NACA: variants seen among roughly 807,000 people sequenced by gnomAD.
The protein encoded by NACA is nascent polypeptide-associated complex subunit alpha.
In NACA, 42 loss-of-function variants were observed where a neutral mutation model predicts 86.4. The observed-to-expected ratio is 0.49, with a 90% CI of 0.38 to 0.63. The LOEUF is 0.63. Ranked by LOEUF, NACA falls within the 20% of genes least tolerant of loss-of-function variation. NACA has a pLI of 0.00. For missense variants in NACA, 2,157 were observed against 2,483.6 expected (o/e 0.87, Z 2.80); for synonymous variants, 898 against 973.7 (o/e 0.92, Z 1.45).
chr12:56,719,114 T>C lies in NACA; in HGVS notation c.2416A>G (p.Lys806Glu), dbSNP rs774210174. 2 of 1,454,470 alleles carry C rather than the reference T, an allele frequency of 1.4e-6. No homozygotes were observed. The highest frequency in any genetic ancestry group is 3.0e-5 in the East Asian group (1 of 33,550). The allele number at this position is 1,454,470 out of a possible 1,614,324, so 90.1% of individuals were successfully genotyped here. Residue 806 changes from lysine to glutamate, a missense_variant, in exon 3 of 9, where the codon AAA becomes GAA. By Grantham distance (56) the Lys-to-Glu change is moderately conservative. This residue lies in a region of NACA where 174 missense variants were observed against 217.0 expected (regional missense o/e 0.80). Transcript: ENST00000454682. The part of the protein sequence containing the change: ...PLGVSVSPQT[K>E]RPPTKKGSAG... Reference sequence around the variant, plus strand: ...GAACCCTTCTTGGTTGGAGGTCTTTTAGTCTGAGGAGACACACTAACCCCT... The same window carrying C: ...GAACCCTTCTTGGTTGGAGGTCTTTCAGTCTGAGGAGACACACTAACCCCT...
At chr12:56,724,676 T>A (rs1334274954) in intron 1 of NACA, 153 bp from the exon 2 acceptor site, 6 of 721,410 alleles carry the variant, frequency 8.3e-6, no homozygotes, top group Non-Finnish European at 1.4e-5. Flanking sequence ...CACCTGGGAA[T>A]AAGAGGTAAA....
rs751504854 is a variant in NACA at position 56,718,236 on chromosome 12, G to A, written c.3294C>T (p.Ser1098=). The change falls in exon 3 of 9, where the codon TCC becomes TCT. Residue 1098 remains serine (S), a synonymous_variant. Transcript: ENST00000454682. ...CTGGGGGCATGGGGGCCCCTTTGGG[G>A]GATGGGGTAGCTGGGCCTCCTTTTG... The part of the protein sequence containing the change: ...PSPKGGPATP[S]PKGAPMPPAA... 1 of 1,143,222 alleles carries A rather than the reference G, an allele frequency of 8.7e-7. No homozygotes were observed. Among genetic ancestry groups the A allele is most frequent in the South Asian group, 3.3e-5 (1 of 30,236 alleles). The allele number at this position is 1,143,222 out of a possible 1,614,324, so 70.8% of individuals were successfully genotyped here. A position where few individuals can be genotyped will look rare whatever the true frequency, so the allele number is the denominator to read the frequency against.
chr12:56,718,349 C>A lies in NACA; in HGVS notation c.3181G>T (p.Ala1061Ser). Residue 1061 changes from alanine to serine, a missense_variant, in exon 3 of 9, where the codon GCT becomes TCT. By Grantham distance (99) the Ala-to-Ser change is moderately conservative (BLOSUM62 1). This residue lies in a region of NACA where 124 missense variants were observed against 186.5 expected (regional missense o/e 0.66). Transcript: ENST00000454682. ...PLPKGAPTTP[A>S]ATLPSPKGGP... ...CCTTTTGGGGAGGGAAGAGTTGCAG[C>A]TGGGGTTGTGGGGGCCCCTTTGGGG... The A allele has an allele frequency of 8.7e-7, 1 of 1,150,116 alleles. No individual in the cohort carries two copies. The highest frequency in any genetic ancestry group is 1.1e-6 in the Non-Finnish European group (1 of 923,476). The allele number at this position is 1,150,116 out of a possible 1,614,324, so 71.2% of individuals were successfully genotyped here.
At position 56,720,033 on chromosome 12, in the gene NACA, G is replaced by T; in HGVS notation, c.1497C>A (p.Thr499=). The stretch of plus-strand genomic sequence containing the variant: ...GAGGAGAGACTGGTATCCTCAGAGT[G>T]GTTGCTACTTGAGTAGAAGGCTCTT... ...APKEPSTQVA[T]TLRIPVSPPL... Residue 499 remains threonine, a synonymous_variant, in exon 3 of 9, where the codon ACC becomes ACA. Coordinates refer to ENST00000454682, the MANE Select transcript of NACA (RefSeq NM_001365896.1). 1 of 1,613,870 alleles carries T rather than the reference G, an allele frequency of 6.2e-7. No individual in the cohort carries two copies.
chr12:56,718,573 G>T lies in NACA; in HGVS notation c.2957C>A (p.Pro986His). Reference protein sequence around the residue: ...GPATPSPKGAPTPPAATPPSP... With the variant: ...GPATPSPKGAHTPPAATPPSP... Reference sequence around the variant, plus strand: ...GGGAGGAGTTGCAGCTGGGGGTGTGGGGGCCCCTTTGGGGGATGGAGTAGC... The same window carrying T: ...GGGAGGAGTTGCAGCTGGGGGTGTGTGGGCCCCTTTGGGGGATGGAGTAGC... Residue 986 changes from proline to histidine, a missense_variant, in exon 3 of 9, where the codon CCC becomes CAC. Pro to His is a moderately conservative substitution (Grantham distance 77). This residue lies in a region of NACA where 124 missense variants were observed against 186.5 expected (regional missense o/e 0.66). Coordinates refer to ENST00000454682, the MANE Select transcript of NACA (RefSeq NM_001365896.1). 2.3e-6 allele frequency: 3 copies of T among 1,314,694 alleles called. No individual in the cohort carries two copies. Among genetic ancestry groups the T allele is most frequent in the Non-Finnish European group, 2.0e-6 (2 of 1,012,910 alleles). The allele number at this position is 1,314,694 out of a possible 1,614,324, so 81.4% of individuals were successfully genotyped here.
Position 56,720,302 on chromosome 12 carries a change from T to C in NACA, c.1228A>G (p.Thr410Ala), listed in dbSNP as rs1357260049. ...GAGCTTTTGAGAATGAGAGAGGTTG[T>C]AGGAGATAATGAAAAAGAGGTAGCT... The part of the protein sequence containing the change: ...NVATSFSLSP[T>A]TSLILKSSPN... The change falls in exon 3 of 9, where the codon ACA (threonine) becomes GCA (alanine). Residue 410 changes from threonine (T) to alanine (A), a missense_variant. Coordinates refer to ENST00000454682, the MANE Select transcript of NACA (RefSeq NM_001365896.1). 1 of 1,613,678 alleles carries C rather than the reference T, an allele frequency of 6.2e-7. No homozygotes were observed. The highest frequency in any genetic ancestry group is 2.2e-5 in the East Asian group (1 of 44,876).
Position 56,712,970 on chromosome 12 carries a change from G to A in NACA, c.6100-62C>T. On this transcript the variant is annotated intron_variant, in intron 7 of 8. Coordinates refer to ENST00000454682, the MANE Select transcript of NACA (RefSeq NM_001365896.1). ...CAAGAACAATTTCAGCAGTTCTTTG[G>A]AGTCTCCTGAATCTAGTTTTTAATA... 21 of 1,612,418 alleles carry A rather than the reference G, an allele frequency of 1.3e-5. 3 individuals carry two copies. In the South Asian group the frequency reaches 2.2e-4, roughly 17 times the overall value.
Position 56,719,592 on chromosome 12 carries a change from A to T in NACA, c.1938T>A (p.Ala646=), listed in dbSNP as rs369191826. The T allele has an allele frequency of 6.2e-7, 1 of 1,613,966 alleles. No individual in the cohort carries two copies. Among genetic ancestry groups the T allele is most frequent in the Non-Finnish European group, 8.5e-7 (1 of 1,179,876 alleles). ...GGTCAGCACTTTCCAAAGGAAATGC[A>T]GCCACTGTTGGGGTAATGAGAGAAC... The part of the protein sequence containing the change: ...LKSSLITPTV[A]AFPLESADPA... Residue 646 remains alanine, a synonymous_variant, in exon 3 of 9, where the codon GCT becomes GCA. Transcript: ENST00000454682.
At position 56,720,196 on chromosome 12, in the gene NACA, T is replaced by C; in HGVS notation, c.1334A>G (p.Asn445Ser). The C allele has an allele frequency of 6.2e-7, 1 of 1,613,818 alleles. No individual in the cohort carries two copies. The highest frequency in any genetic ancestry group is 1.1e-5 in the South Asian group (1 of 91,070). Residue 445 changes from asparagine (N) to serine (S), a missense_variant, in exon 3 of 9, where the codon AAC becomes AGC. This residue lies in a region of NACA where 947 missense variants were observed against 917.9 expected (regional missense o/e 1.03). Coordinates refer to ENST00000454682, the MANE Select transcript of NACA (RefSeq NM_001365896.1). ...SVGTTPLVVT[N>S]PCTIAAAPTT... Reference sequence around the variant, plus strand: ...AGGTGCTGCAGCAATTGTACAGGGGTTAGTCACCACAAGTGGGGTGGTTCC... The same window carrying C: ...AGGTGCTGCAGCAATTGTACAGGGGCTAGTCACCACAAGTGGGGTGGTTCC...
intron 3 of NACA, 171 bp from the exon 4 acceptor site, chr12:56,714,858 AACT>A (rs1305401563): frequency 1.6e-6 from 1 of 626,344 alleles, no homozygotes; most frequent in African/African-American, 1.8e-5. Context: ...CTTAGTCACT[AACT>A]AGCGGGTACA....
chr12:56,713,264 C>T (rs1300641374), intron 6 of NACA, 74 bp from the exon 7 acceptor site: 4 of 1,539,766 alleles, frequency 2.6e-6, no homozygotes, highest in Non-Finnish European at 3.5e-6. Context: ...AGTTTCACAA[C>T]TCTCTGTAAA....
chr12:56,717,534 G>T lies in NACA; in HGVS notation c.3996C>A (p.Ala1332=), dbSNP rs1953412632. Residue 1332 remains alanine, a synonymous_variant, in exon 3 of 9, where the codon GCC becomes GCA. Coordinates refer to ENST00000454682, the MANE Select transcript of NACA (RefSeq NM_001365896.1). The part of the protein sequence containing the change: ...GSPGTPPPKG[A]PTPPAVTPPS... ...GAGGAGTTACAGCTGGGGGAGTGGGGGCCCCTTTGGGGGGTGGGGTACCTG... is the reference window on the plus strand; with the variant it reads ...GAGGAGTTACAGCTGGGGGAGTGGGTGCCCCTTTGGGGGGTGGGGTACCTG... 3.9e-6 allele frequency: 5 copies of T among 1,298,046 alleles called. No individual in the cohort carries two copies. Among genetic ancestry groups the T allele is most frequent in the African/African-American group, 3.1e-5 (2 of 65,214 alleles). The allele number at this position is 1,298,046 out of a possible 1,614,324, so 80.4% of individuals were successfully genotyped here.
Position 56,720,987 on chromosome 12 carries a change from G to A in NACA, c.543C>T (p.Pro181=). Residue 181 remains proline, a synonymous_variant, in exon 3 of 9, where the codon CCC becomes CCT. Coordinates refer to ENST00000454682, the MANE Select transcript of NACA (RefSeq NM_001365896.1). ...TATTAAGATTAGTCTTTGGTTCTGA[G>A]GGAGCAATGGGAGCTGACAGAGTTA... is the stretch of plus-strand genomic sequence containing the variant. ...SVITLSAPIA[P]SEPKTNLNKV... 6.2e-7 allele frequency: 1 copy of A among 1,613,980 alleles called. No individual in the cohort carries two copies. Among genetic ancestry groups the A allele is most frequent in the Non-Finnish European group, 8.5e-7 (1 of 1,179,882 alleles).
In NACA at chr12:56,719,306, C is replaced by G. The variant is rs374494657; in HGVS notation, c.2224G>C (p.Ala742Pro). 10 of 1,600,260 alleles carry G rather than the reference C, an allele frequency of 6.2e-6. No homozygotes were observed. In the African/African-American group the frequency reaches 8.0e-5, roughly 13 times the overall value. Reference sequence around the variant, plus strand: ...TTTTTTGTACCTGGAGGAGTCCCAGCTGGGGGAAGAGAGGGTGAGGGCACA... The same window carrying G: ...TTTTTTGTACCTGGAGGAGTCCCAGGTGGGGGAAGAGAGGGTGAGGGCACA... ...KSVPSPSLPP[A>P]GTPPGTKKVD... Residue 742 changes from alanine to proline, a missense_variant, in exon 3 of 9, where the codon GCT becomes CCT. Coordinates refer to ENST00000454682, the MANE Select transcript of NACA (RefSeq NM_001365896.1).
intron 3 of NACA, among the ~76,000 whole-genome samples, chr12:56,715,666 T>C (rs1052193717): frequency 2.0e-5 from 3 of 152,132 alleles, no homozygotes; most frequent in African/African-American, 7.2e-5. Flanking sequence ...ATGTACTATG[T>C]ATCTATCTGA....
In NACA at chr12:56,719,440, GTAGTAAGAGTACCT is replaced by G. The variant is rs1953508165; in HGVS notation, c.2076_2089del (p.Glu692AspfsTer33). The G allele has an allele frequency of 6.2e-7, 1 of 1,613,174 alleles. No homozygotes were observed. Among genetic ancestry groups the G allele is most frequent in the Non-Finnish European group, 8.5e-7 (1 of 1,179,586 alleles). On this transcript the variant is annotated frameshift_variant, in exon 3 of 9. Coordinates refer to ENST00000454682, the MANE Select transcript of NACA (RefSeq NM_001365896.1). LOFTEE classifies it high-confidence loss of function. ...TGAAGCTGTAGGAACCAAGGGTAAAGTAGTAAGAGTACCTTCCTTAACTGGGTGGTTTTTAGGAG... is the reference window on the plus strand; with the variant it reads ...TGAAGCTGTAGGAACCAAGGGTAAAGTCCTTAACTGGGTGGTTTTTAGGAG...
chr12:56,716,185 A>G lies in NACA; in HGVS notation c.5345T>C (p.Leu1782Pro). The change falls in exon 3 of 9, where the codon CTT (leucine) becomes CCT (proline). Residue 1782 changes from leucine to proline, a missense_variant. Transcript: ENST00000454682. Reference protein sequence around the residue: ...PLTAAAFEKVLPKPESASVSA... With the variant: ...PLTAAAFEKVPPKPESASVSA... ...GACAGATGCTGATTCAGGTTTAGGA[A>G]GGACCTTCTCAAAGGCAGCTGCTGT... 6.2e-7 allele frequency: 1 copy of G among 1,613,728 alleles called. No individual in the cohort carries two copies. The highest frequency in any genetic ancestry group is 8.5e-7 in the Non-Finnish European group (1 of 1,179,870).
In NACA at chr12:56,724,500, T is replaced by C. The variant is rs768837305; in HGVS notation, c.22A>G (p.Thr8Ala). Reference sequence around the variant, plus strand: ...AACTCCTGCTCTGTAGCAGGGACGGTTTCTGTGGCTTCGCCGGGCATTTCT... The same window carrying C: ...AACTCCTGCTCTGTAGCAGGGACGGCTTCTGTGGCTTCGCCGGGCATTTCT... MPGEATE[T>A]VPATEQELPQ... Residue 8 changes from threonine to alanine, a missense_variant, in exon 2 of 9, where the codon ACC becomes GCC. Thr to Ala is a moderately conservative substitution (Grantham distance 58, BLOSUM62 0). Around this residue, in one of 8 missense-constraint regions of NACA, gnomAD observed 947 missense variants for 917.9 expected, o/e 1.03. Transcript: ENST00000454682. 6.2e-7 allele frequency: 1 copy of C among 1,612,528 alleles called. No homozygotes were observed. Among genetic ancestry groups the C allele is most frequent in the East Asian group, 2.2e-5 (1 of 44,846 alleles).
At chr12:56,713,704 TCAG>T (rs1410230518) in intron 5 of NACA, 21 bp from the exon 6 acceptor site, 1 of 1,612,070 alleles carries the variant, frequency 6.2e-7, no homozygotes, top group South Asian at 1.1e-5. Flanking sequence ...GAAAATAGTA[TCAG>T]GTTTTCAACC....
Sources: allele counts gnomAD v4.1 joint callset (sites outside exome capture counted in the v4.1 genomes callset), GRCh38; gene constraint gnomAD v4.1.1; regional missense constraint gnomAD v4.1.1; transcripts MANE v1.5; gene names NCBI Gene and HGNC (gene_info 2026-07-23, HGNC 2026-07-21).